CTNNA2: variants seen among roughly 807,000 people sequenced by gnomAD.
CTNNA2 encodes the protein catenin alpha 2, also known as catenin alpha-2.
A neutral mutation model predicts 101.0 loss-of-function variants in CTNNA2; 42 were observed. That is an observed-to-expected ratio of 0.42 (90% confidence interval 0.32 to 0.54). The LOEUF is 0.54. CTNNA2 is among the 20% of genes least tolerant of loss of function. CTNNA2 has a pLI of 0.14. For synonymous variants in CTNNA2, 450 were observed against 456.4 expected, an observed-to-expected ratio of 0.99 and a Z score of 0.18; for missense variants, 871 against 1,223.1, an observed-to-expected ratio of 0.71 and a Z score of 4.29.
intron 1 of CTNNA2, among the ~76,000 whole-genome samples, chr2:79,587,138 G>A (rs897890979): frequency 5.3e-5 from 8 of 152,066 alleles, no homozygotes; most frequent in Admixed American, 3.3e-4. Context: ...GTGTGTGCGC[G>A]TGTGTCTTTT....
chr2:79,204,858 G>T (rs912354461), intron 2 of CTNNA2, among the ~76,000 whole-genome samples: 4 of 152,200 alleles, frequency 2.6e-5, no homozygotes, highest in African/African-American at 7.2e-5. Context: ...TTTTCATAAT[G>T]GAATTAGTCA....
intron 4 of CTNNA2, among the ~76,000 whole-genome samples, chr2:79,450,915 C>T (rs1430313206): frequency 6.6e-6 from 1 of 152,076 alleles, no homozygotes; most frequent in African/African-American, 2.4e-5. Flanking sequence ...CAGTTTAGGA[C>T]ATAAGTCAAG....
At chr2:79,890,210 G>C (rs1466571593) in intron 6 of CTNNA2, among the ~76,000 whole-genome samples, 3 of 152,170 alleles carry the variant, frequency 2.0e-5, no homozygotes, top group Non-Finnish European at 4.4e-5. Context: ...GCAGAAAGCG[G>C]GTAGGGATAA....
At chr2:80,437,198 A>T (rs147136908) in intron 9 of CTNNA2, among the ~76,000 whole-genome samples, 1 of 152,280 alleles carries the variant, frequency 6.6e-6, no homozygotes, top group African/African-American at 2.4e-5. Context: ...TCTGTCGTTG[A>T]TAAATTACCC....
chr2:79,959,399 C>T (rs1278428845), intron 7 of CTNNA2, among the ~76,000 whole-genome samples: 1 of 152,184 alleles, frequency 6.6e-6, no homozygotes, highest in Admixed American at 6.5e-5. Flanking sequence ...AATTTCATTA[C>T]TTATGACCAT....
chr2:80,470,555 A>G (rs553423571), intron 9 of CTNNA2, among the ~76,000 whole-genome samples: 2 of 152,256 alleles, frequency 1.3e-5, no homozygotes, highest in East Asian at 1.9e-4. Context: ...GTCTTGCTCT[A>G]TACTGGACTG....
chr2:80,527,698 C>T (rs1459700125), intron 9 of CTNNA2, among the ~76,000 whole-genome samples: 3 of 152,060 alleles, frequency 2.0e-5, no homozygotes, highest in African/African-American at 7.2e-5. Context: ...TGAGGCCTCT[C>T]CCTGGTTGGC....
chr2:79,453,302 T>C (rs1430333571), intron 4 of CTNNA2, among the ~76,000 whole-genome samples: 9 of 152,200 alleles, frequency 5.9e-5, no homozygotes, highest in Admixed American at 5.9e-4. Flanking sequence ...TGAAAAGGAA[T>C]AGCTCTGCCT....
At chr2:79,924,652 A>G (rs1686900872) in intron 7 of CTNNA2, among the ~76,000 whole-genome samples, 1 of 152,114 alleles carries the variant, frequency 6.6e-6, no homozygotes, top group Non-Finnish European at 1.5e-5. Context: ...CCCTAACTTG[A>G]CCAAGGGGTT....
chr2:80,268,846 A>T (rs983204634), intron 7 of CTNNA2, among the ~76,000 whole-genome samples: 1 of 152,234 alleles, frequency 6.6e-6, no homozygotes, highest in Non-Finnish European at 1.5e-5. Flanking sequence ...GTCCAAGGCC[A>T]GAAACTGATA....
chr2:79,543,312 A>C (rs1673533780), intron 1 of CTNNA2, among the ~76,000 whole-genome samples: 1 of 152,198 alleles, frequency 6.6e-6, no homozygotes, highest in African/African-American at 2.4e-5. Flanking sequence ...ATATCCTATA[A>C]AAGAGTGTTA....
chr2:80,250,934 C>T (rs2149106368), intron 7 of CTNNA2, among the ~76,000 whole-genome samples: 1 of 152,238 alleles, frequency 6.6e-6, no homozygotes, highest in East Asian at 1.9e-4. Context: ...ACACCCAATA[C>T]AAATACTTCA....
intron 9 of CTNNA2, among the ~76,000 whole-genome samples, chr2:80,435,770 T>C (rs1353382709): frequency 6.6e-6 from 1 of 152,252 alleles, no homozygotes; most frequent in Non-Finnish European, 1.5e-5. Flanking sequence ...AGCTGAGGGT[T>C]AAATTCTTGT....
chr2:80,484,943 T>C (rs1255640572), intron 9 of CTNNA2, among the ~76,000 whole-genome samples: 1 of 152,070 alleles, frequency 6.6e-6, no homozygotes, highest in African/African-American at 2.4e-5. Flanking sequence ...GAGGTGGAGC[T>C]TGCAGTGAGC....
Position 79,982,230 on chromosome 2 carries a change from A to ATATATATG in CTNNA2, c.1056+72440_1056+72441insGTATATAT, listed in dbSNP as rs1553420940. 3.1e-5 allele frequency among the ~76,000 whole-genome samples: 3 copies of ATATATATG among 96,446 alleles called. 1 individual carries two copies. In the East Asian group the frequency reaches 1.1e-3, roughly 36 times the overall value. The allele number at this position is 96,446 out of a possible 152,430, so 63.3% of individuals were successfully genotyped here. On this transcript the variant is annotated intron_variant, in intron 7 of 18. Transcript: ENST00000402739. ...TATATATATATATATATATATATAT[A>ATATATATG]TATATATATATGTATGTATATGTAC... is the stretch of plus-strand genomic sequence containing the variant.
At chr2:80,565,753 G>A (rs1188170701) in intron 12 of CTNNA2, among the ~76,000 whole-genome samples, 1 of 152,062 alleles carries the variant, frequency 6.6e-6, no homozygotes, top group Non-Finnish European at 1.5e-5. Flanking sequence ...TAATGTATTT[G>A]TGTTATTTAC....
At chr2:80,623,182 G>A (rs558412205) in intron 18 of CTNNA2, among the ~76,000 whole-genome samples, 2 of 151,650 alleles carry the variant, frequency 1.3e-5, no homozygotes, top group South Asian at 4.2e-4. Context: ...TAAAGCATCA[G>A]TCAGAGCTAT....
At chr2:80,150,798 T>C (rs909196531) in intron 7 of CTNNA2, among the ~76,000 whole-genome samples, 3 of 152,208 alleles carry the variant, frequency 2.0e-5, no homozygotes, top group Admixed American at 1.3e-4. Flanking sequence ...AAAATGGATA[T>C]TTACACTGAC....
At chr2:79,984,451 C>A (rs978720678) in intron 7 of CTNNA2, among the ~76,000 whole-genome samples, 1 of 152,130 alleles carries the variant, frequency 6.6e-6, no homozygotes, top group African/African-American at 2.4e-5. Context: ...TACCTTAAAC[C>A]CTGATTTTCC....
Sources: gnomAD v4.1 joint callset for allele counts (sites outside exome capture counted in the v4.1 genomes callset) on GRCh38, gnomAD v4.1.1 for gene constraint, MANE v1.5 for transcripts, NCBI Gene and HGNC (gene_info 2026-07-23, HGNC 2026-07-21) for gene names.